Variants in REV3L observed in about 807,000 individuals in gnomAD.
REV3L encodes REV3 like, DNA directed polymerase zeta catalytic subunit.
Under a neutral mutation model 299.4 loss-of-function variants are expected in REV3L, and 69 were observed. The observed-to-expected ratio is 0.23, with a 90% confidence interval of 0.19 to 0.28. REV3L has a LOEUF of 0.28. REV3L is among the 10% of genes least tolerant of loss of function. REV3L has a pLI of 1.00. For missense variants in REV3L, 3,128 were observed against 3,693.8 expected, an observed-to-expected ratio of 0.85 and a Z score of 3.97; for synonymous variants, 1,238 against 1,271.4, an observed-to-expected ratio of 0.97 and a Z score of 0.56.
chr6:111,451,560 G>T (rs1440118361), intron 1 of REV3L, among the ~76,000 whole-genome samples: 1 of 152,058 alleles, frequency 6.6e-6, no homozygotes, highest in African/African-American at 2.4e-5. Flanking sequence ...AAATCCTAGG[G>T]CACAGAATAG....
chr6:111,430,298 C>G (rs762398530), intron 1 of REV3L: 8 of 1,083,708 alleles, frequency 7.4e-6, no homozygotes, highest in Non-Finnish European at 1.1e-5. Flanking sequence ...TGCTTTCTTT[C>G]ATTTCCTGTG....
chr6:111,329,081 T>C (rs1251037382), intron 25 of REV3L, among the ~76,000 whole-genome samples: 1 of 151,870 alleles, frequency 6.6e-6, no homozygotes, highest in Non-Finnish European at 1.5e-5. Context: ...TCTCATTCTG[T>C]CGCCCAGGCT....
intron 1 of REV3L, chr6:111,431,530 C>G: frequency 2.4e-6 from 2 of 838,178 alleles, no homozygotes; most frequent in Admixed American, 3.6e-5. Flanking sequence ...CAACACCAGA[C>G]CCCCTCCCAA....
intron 11 of REV3L, among the ~76,000 whole-genome samples, chr6:111,378,626 C>T (rs1318873858): frequency 6.6e-6 from 1 of 152,128 alleles, no homozygotes; most frequent in Non-Finnish European, 1.5e-5. Context: ...AAGGGGCTTG[C>T]TGTCTCACAG....
At chr6:111,323,135 C>A (rs891479006) in intron 25 of REV3L, among the ~76,000 whole-genome samples, 10 of 152,042 alleles carry the variant, frequency 6.6e-5, no homozygotes, top group African/African-American at 2.4e-4. Flanking sequence ...ACTATAGGCG[C>A]ACGCCACCAC....
intron 1 of REV3L, among the ~76,000 whole-genome samples, chr6:111,467,677 T>C (rs2128333752): frequency 6.6e-6 from 1 of 152,334 alleles, no homozygotes; most frequent in South Asian, 2.1e-4. Context: ...TTACAATGTA[T>C]TAGGTGTAAG....
chr6:111,368,142 T>C (rs1779414788), intron 13 of REV3L, 114 bp from the exon 14 acceptor site: 2 of 834,596 alleles, frequency 2.4e-6, no homozygotes, highest in Admixed American at 5.8e-5. Flanking sequence ...TCCATGTCTA[T>C]CTTCCCTGCC....
At chr6:111,420,894 C>A (rs1227583149) in intron 1 of REV3L, among the ~76,000 whole-genome samples, 1 of 152,160 alleles carries the variant, frequency 6.6e-6, no homozygotes, top group African/African-American at 2.4e-5. Flanking sequence ...GTAATCCCAG[C>A]ACTTTGGGGG....
chr6:111,473,327 C>T (rs932433821), intron 1 of REV3L, among the ~76,000 whole-genome samples: 11 of 151,734 alleles, frequency 7.2e-5, no homozygotes, highest in African/African-American at 2.7e-4. Context: ...TCCCAAAGTG[C>T]TGGGATTATA....
chr6:111,483,260 G>C, upstream of REV3L: 1 of 480,534 alleles, frequency 2.1e-6, no homozygotes. Flanking sequence ...GGTGTGTGTG[G>C]CGAAGGGAGG....
intron 11 of REV3L, among the ~76,000 whole-genome samples, chr6:111,379,331 T>TA (rs1780602443): frequency 6.6e-6 from 1 of 152,158 alleles, no homozygotes; most frequent in Non-Finnish European, 1.5e-5. Flanking sequence ...AAATACAGAC[T>TA]AAAAAAGTTC....
intron 15 of REV3L, among the ~76,000 whole-genome samples, 158 bp downstream of exon 15, chr6:111,365,107 A>G (rs1779065982): frequency 6.6e-6 from 1 of 152,028 alleles, no homozygotes; most frequent in Non-Finnish European, 1.5e-5. Flanking sequence ...AAACTAAAAA[A>G]AGGCAAATTT....
intron 20 of REV3L, among the ~76,000 whole-genome samples, chr6:111,348,615 C>T (rs542035186): frequency 1.5e-4 from 23 of 152,236 alleles, no homozygotes; most frequent in Admixed American, 1.4e-3. Context: ...GAAAAAAATA[C>T]GGTGAAATTA....
At chr6:111,313,907 T>A (rs1773247169) in intron 27 of REV3L, among the ~76,000 whole-genome samples, 2 of 152,240 alleles carry the variant, frequency 1.3e-5, no homozygotes, top group African/African-American at 4.8e-5. Flanking sequence ...ATTCTAACAA[T>A]TTTTCAAGAC....
intron 16 of REV3L, among the ~76,000 whole-genome samples, chr6:111,359,639 T>G (rs890116454): frequency 6.6e-6 from 1 of 152,088 alleles, no homozygotes; most frequent in African/African-American, 2.4e-5. Flanking sequence ...TTGCTTTTCA[T>G]GCTTATTTTT....
At chr6:111,471,396 T>TA (rs1203169286) in intron 1 of REV3L, among the ~76,000 whole-genome samples, 1 of 152,182 alleles carries the variant, frequency 6.6e-6, no homozygotes, top group Admixed American at 6.5e-5. Context: ...TAACGAAATG[T>TA]AAAAAATCTC....
chr6:111,483,045 C>T lies in REV3L; in HGVS notation c.-157G>A. 1.1e-6 allele frequency: 1 copy of T among 928,094 alleles called. No homozygotes were observed. Among genetic ancestry groups the T allele is most frequent in the Non-Finnish European group, 1.5e-6 (1 of 680,234 alleles). The allele number at this position is 928,094 out of a possible 1,614,324, so 57.5% of individuals were successfully genotyped here. ...GCACCTCGAGGAGCGGCGGGCGGGG[C>T]GGTGTAGGCGCTGCTGCCGCCGCCT... On this transcript the variant is annotated 5_prime_UTR_variant, in exon 1 of 32. Transcript: ENST00000368802.
At chr6:111,371,974 A>G (rs981382689) in intron 13 of REV3L, among the ~76,000 whole-genome samples, 1 of 152,136 alleles carries the variant, frequency 6.6e-6, no homozygotes, top group African/African-American at 2.4e-5. Context: ...TTACAGGTGC[A>G]CACCACCATA....
At chr6:111,342,295 C>A (rs1333282343) in intron 21 of REV3L, among the ~76,000 whole-genome samples, 1 of 152,060 alleles carries the variant, frequency 6.6e-6, no homozygotes, top group Non-Finnish European at 1.5e-5. Flanking sequence ...TTACTTGGGC[C>A]CAGGACCTGC....
Sources: gnomAD v4.1 joint callset for allele counts (sites outside exome capture counted in the v4.1 genomes callset) on GRCh38, gnomAD v4.1.1 for gene constraint, MANE v1.5 for transcripts, NCBI Gene and HGNC (gene_info 2026-07-23, HGNC 2026-07-21) for gene names.